Variants in C1orf21 observed in about 807,000 individuals in gnomAD.
C1orf21 encodes uncharacterized protein C1orf21.
In C1orf21, 3 loss-of-function variants were observed where a neutral mutation model predicts 18.7. The ratio of observed to expected loss-of-function variants is 0.16; its 90% confidence interval spans 0.07 to 0.42. The LOEUF (loss-of-function observed/expected upper bound fraction) is 0.42. Among genes scored for constraint, C1orf21 ranks in the 10% least tolerant of loss-of-function variants. The pLI is 0.99. For synonymous variants in C1orf21, 41 were observed against 46.4 expected (o/e 0.88, Z 0.47); for missense variants, 104 against 143.6 (o/e 0.72, Z 1.41).
intron 1 of C1orf21, among the ~76,000 whole-genome samples, chr1:184,432,413 A>C (rs61823542): frequency 0.16 from 23,629 of 152,108 alleles, 1,878 homozygotes; most frequent in African/African-American, 0.18. Context: ...GCAAACTAAC[A>C]CGGGAACAGA....
intron 1 of C1orf21, among the ~76,000 whole-genome samples, chr1:184,471,692 G>A (rs529986964): frequency 4.6e-5 from 7 of 152,146 alleles, no homozygotes; most frequent in African/African-American, 1.4e-4. Flanking sequence ...GTGTCCTATT[G>A]CATAAACACT....
At chr1:184,526,993 G>A (rs1658386653) in intron 3 of C1orf21, among the ~76,000 whole-genome samples, 1 of 152,160 alleles carries the variant, frequency 6.6e-6, no homozygotes, top group African/African-American at 2.4e-5. Flanking sequence ...GCCTAACAGG[G>A]AAATGCATCA....
chr1:184,455,660 A>G (rs1657187916), intron 1 of C1orf21, among the ~76,000 whole-genome samples: 1 of 152,156 alleles, frequency 6.6e-6, no homozygotes, highest in Non-Finnish European at 1.5e-5. Flanking sequence ...CTTTCAGATA[A>G]CCACTGAAAA....
intron 5 of C1orf21, among the ~76,000 whole-genome samples, chr1:184,601,677 C>T (rs536675012): frequency 6.6e-6 from 1 of 152,200 alleles, no homozygotes; most frequent in South Asian, 2.1e-4. Context: ...CCAAGGTGGG[C>T]GGATCATGAG....
chr1:184,534,429 C>T (rs1022791168), intron 3 of C1orf21, among the ~76,000 whole-genome samples: 2 of 152,138 alleles, frequency 1.3e-5, no homozygotes, highest in Non-Finnish European at 2.9e-5. Context: ...CTTCTCATTC[C>T]AGGTGTAAAG....
chr1:184,535,164 G>T (rs1658532753), intron 3 of C1orf21, among the ~76,000 whole-genome samples: 1 of 152,214 alleles, frequency 6.6e-6, no homozygotes, highest in African/African-American at 2.4e-5. Context: ...CTGTTGTAGG[G>T]AAGTGAGCCC....
chr1:184,534,003 ATCTG>A (rs1216636954), intron 3 of C1orf21, among the ~76,000 whole-genome samples: 2 of 152,184 alleles, frequency 1.3e-5, no homozygotes, highest in Non-Finnish European at 2.9e-5. Flanking sequence ...GTGGGGTGGG[ATCTG>A]TCTGAGAGAG....
intron 3 of C1orf21, among the ~76,000 whole-genome samples, chr1:184,581,993 A>G (rs1398263709): frequency 1.3e-5 from 2 of 152,238 alleles, no homozygotes; most frequent in African/African-American, 4.8e-5. Flanking sequence ...GGTAATTGTA[A>G]TGGAAGTATT....
chr1:184,536,900 T>C (rs1658565441), intron 3 of C1orf21, among the ~76,000 whole-genome samples: 1 of 151,872 alleles, frequency 6.6e-6, no homozygotes, highest in Non-Finnish European at 1.5e-5. Context: ...GATAAGAAAT[T>C]CAAAAAGAAA....
chr1:184,520,519 G>A (rs60266910), intron 3 of C1orf21, among the ~76,000 whole-genome samples: 4,066 of 152,188 alleles, frequency 0.027, 180 homozygotes, highest in African/African-American at 0.093. Context: ...AGCAGGGAAC[G>A]CCAACTGCAG....
chr1:184,616,290 T>C (rs1467339561), intron 5 of C1orf21, among the ~76,000 whole-genome samples: 2 of 152,270 alleles, frequency 1.3e-5, no homozygotes, highest in Non-Finnish European at 2.9e-5. Flanking sequence ...ACCAAATCAC[T>C]GCAGTTGTAA....
rs1162784860 is a variant in C1orf21, at chr1:184,424,898, G to A, written c.-125+37530G>A. 3.3e-5 allele frequency among the ~76,000 whole-genome samples: 5 copies of A among 152,276 alleles called. No homozygotes were observed. The East Asian group carries it at 7.7e-4, about 23-fold the overall frequency. The stretch of plus-strand genomic sequence containing the variant: ...ACATTAGCAGAAGCATAGTATTTGC[G>A]AGCACATGTTGAGTTTCTGGTTATC... On this transcript the variant is annotated intron_variant, in intron 1 of 5. Coordinates refer to ENST00000235307, the MANE Select transcript of C1orf21 (RefSeq NM_030806.4).
At chr1:184,389,062 G>T (rs1167457370) in intron 1 of C1orf21, among the ~76,000 whole-genome samples, 3 of 152,128 alleles carry the variant, frequency 2.0e-5, no homozygotes, top group Non-Finnish European at 4.4e-5. Flanking sequence ...TAGGACAACG[G>T]AGTGTATTTA....
intron 3 of C1orf21, among the ~76,000 whole-genome samples, chr1:184,551,943 T>TAAAAA (rs5779224): frequency 7.2e-6 from 1 of 139,798 alleles, no homozygotes; most frequent in African/African-American, 2.7e-5. Context: ...GACCCTGTCT[T>TAAAAA]AAAAAAAAAA....
chr1:184,408,727 C>T lies in C1orf21; in HGVS notation c.-125+21359C>T, dbSNP rs1656286624. 2.0e-5 allele frequency among the ~76,000 whole-genome samples: 3 copies of T among 152,274 alleles called. No homozygotes were observed. The South Asian group carries it at 6.2e-4, about 32-fold the overall frequency. On this transcript the variant is annotated intron_variant, in intron 1 of 5. Coordinates refer to ENST00000235307, the MANE Select transcript of C1orf21 (RefSeq NM_030806.4). The stretch of plus-strand genomic sequence containing the variant: ...GGAGAGAGGAATCTCTGATAAGCTG[C>T]TAACTAGATAGAAAGTGAAGGCAAT...
chr1:184,438,357 G>T (rs1206760430), intron 1 of C1orf21, among the ~76,000 whole-genome samples: 1 of 152,210 alleles, frequency 6.6e-6, no homozygotes, highest in Non-Finnish European at 1.5e-5. Context: ...CTTGCAGCTT[G>T]TCTGCATCAC....
chr1:184,446,386 A>G (rs773800998), intron 1 of C1orf21, among the ~76,000 whole-genome samples: 114 of 152,254 alleles, frequency 7.5e-4, no homozygotes, highest in Non-Finnish European at 1.3e-3. Flanking sequence ...TGTCAGCTCT[A>G]TCTTTTAAGA....
At chr1:184,593,325 G>A (rs930522770) in intron 4 of C1orf21, among the ~76,000 whole-genome samples, 1 of 152,230 alleles carries the variant, frequency 6.6e-6, no homozygotes, top group South Asian at 2.1e-4. Context: ...ATTTCAAACT[G>A]TGAACAGAAC....
intron 3 of C1orf21, among the ~76,000 whole-genome samples, chr1:184,558,167 G>C (rs918909600): frequency 8.5e-5 from 13 of 152,130 alleles, no homozygotes; most frequent in African/African-American, 3.1e-4. Context: ...TAATTCATTA[G>C]CAGCCAGTAC....
Sources: gnomAD v4.1 joint callset for allele counts (sites outside exome capture counted in the v4.1 genomes callset) on GRCh38, gnomAD v4.1.1 for gene constraint, MANE v1.5 for transcripts, NCBI Gene and HGNC (gene_info 2026-07-23, HGNC 2026-07-21) for gene names.